MGRN1: variants seen among roughly 807,000 people sequenced by gnomAD.
MGRN1 encodes the protein mahogunin ring finger 1.
A neutral mutation model predicts 69.2 loss-of-function variants in MGRN1; 29 were observed. The ratio of observed to expected loss-of-function variants is 0.42; its 90% CI spans 0.31 to 0.57. The LOEUF (loss-of-function observed/expected upper bound fraction) is 0.57. MGRN1 is among the 20% of genes least tolerant of loss of function. MGRN1 has a pLI of 0.15. For missense variants in MGRN1, 998 were observed against 796.2 expected, an observed-to-expected ratio of 1.25 and a Z score of -3.05; for synonymous variants, 470 against 344.2, an observed-to-expected ratio of 1.37 and a Z score of -4.04.
chr16:4,683,607 G>C (rs1596318926), intron 15 of MGRN1, among the ~76,000 whole-genome samples: 1 of 152,060 alleles, frequency 6.6e-6, no homozygotes, highest in Non-Finnish European at 1.5e-5. Flanking sequence ...GTGTAAAAAA[G>C]GGGAAAAAAA....
intron 1 of MGRN1, among the ~76,000 whole-genome samples, chr16:4,636,076 A>G (rs1273291648): frequency 6.6e-6 from 1 of 151,986 alleles, no homozygotes; most frequent in East Asian, 1.9e-4. Context: ...TGCTGGGATT[A>G]CAGGCATGAG....
chr16:4,640,134 C>G (rs1170092397), intron 1 of MGRN1: 2 of 152,298 alleles, frequency 1.3e-5, no homozygotes, highest in Admixed American at 1.3e-4. Flanking sequence ...TGGTGGCGTT[C>G]ATTGCACACT....
chr16:4,668,029 G>A (rs1287047823), intron 7 of MGRN1, among the ~76,000 whole-genome samples: 1 of 152,116 alleles, frequency 6.6e-6, no homozygotes, highest in Non-Finnish European at 1.5e-5. Context: ...AGGGTCCCCG[G>A]GCTGTGTGTT....
In MGRN1 at chr16:4,668,390, T is replaced by C; in HGVS notation, c.726+78T>C. ...AATCACTCACACGCATACTCATACA[T>C]AGACACACACTCATACACACGCACA... On this transcript the variant is annotated intron_variant, in intron 8 of 16. Coordinates refer to ENST00000262370, the MANE Select transcript of MGRN1 (RefSeq NM_015246.4). The C allele has an allele frequency of 2.8e-6, 4 of 1,446,270 alleles. 1 individual carries two copies. Among genetic ancestry groups the C allele is most frequent in the Non-Finnish European group, 3.9e-6 (4 of 1,034,378 alleles). The allele number at this position is 1,446,270 out of a possible 1,614,324, so 89.6% of individuals were successfully genotyped here. A position where few individuals can be genotyped will look rare whatever the true frequency, so the allele number is the denominator to read the frequency against.
chr16:4,651,398 G>A (rs1322750492), intron 2 of MGRN1, among the ~76,000 whole-genome samples: 1 of 152,168 alleles, frequency 6.6e-6, no homozygotes, highest in African/African-American at 2.4e-5. Flanking sequence ...AGAGAGAAGG[G>A]GCAGAAAGGG....
At chr16:4,670,562 G>T (rs2078916326) in intron 8 of MGRN1, among the ~76,000 whole-genome samples, 1 of 152,216 alleles carries the variant, frequency 6.6e-6, no homozygotes, top group Non-Finnish European at 1.5e-5. Flanking sequence ...TAGCTTTTTA[G>T]AAGAGAGTTT....
chr16:4,680,848 C>T (rs756419023), intron 12 of MGRN1, among the ~76,000 whole-genome samples: 3 of 152,248 alleles, frequency 2.0e-5, no homozygotes, highest in Non-Finnish European at 4.4e-5. Flanking sequence ...ACCCATCTCA[C>T]TTTCCCCTTC....
At chr16:4,646,960 G>T (rs2078287651) in intron 1 of MGRN1, among the ~76,000 whole-genome samples, 1 of 152,222 alleles carries the variant, frequency 6.6e-6, no homozygotes, top group Non-Finnish European at 1.5e-5. Flanking sequence ...TGTCCCTCCA[G>T]ACCAAGGCTG....
At chr16:4,656,796 C>G (rs1365682213) in intron 4 of MGRN1, among the ~76,000 whole-genome samples, 1 of 152,084 alleles carries the variant, frequency 6.6e-6, no homozygotes, top group African/African-American at 2.4e-5. Context: ...AGGAGGATCA[C>G]TTGAACTCAG....
Position 4,657,197 on chromosome 16 carries a change from G to A in MGRN1, c.444-49G>A, listed in dbSNP as rs1388923813. On this transcript the variant is annotated intron_variant, in intron 4 of 16. Transcript: ENST00000262370. ...TCGGAGTGGGAGGGACGGGCACGGA[G>A]GGCCCTCTTCCTGCCGCAGCCTCAC... The A allele has an allele frequency of 2.7e-5, 42 of 1,556,644 alleles. No homozygotes were observed. The Admixed American group carries it at 7.0e-4, about 26-fold the overall frequency.
At chr16:4,683,955 G>A (rs2079248720) in intron 16 of MGRN1, 23 bp downstream of exon 16, 2 of 1,508,874 alleles carry the variant, frequency 1.3e-6, no homozygotes, top group East Asian at 2.4e-5. Context: ...GGGTCTGGGG[G>A]TGAGGGGCTG....
At chr16:4,663,372 T>TTC (rs2078727395) in intron 5 of MGRN1, among the ~76,000 whole-genome samples, 1 of 128,960 alleles carries the variant, frequency 7.8e-6, no homozygotes, top group African/African-American at 2.6e-5. Context: ...CTTGTTTTTT[T>TTC]TTTTTTTTTT....
intron 2 of MGRN1, chr16:4,650,861 CT>C (rs1275686330): frequency 1.3e-5 from 2 of 158,202 alleles, no homozygotes; most frequent in Non-Finnish European, 2.8e-5. Context: ...AATCCCAGCA[CT>C]TGGGGAGGCT....
rs140013236 is a variant in MGRN1 at position 4,684,428 on chromosome 16, G to C, written c.1618+496G>C. ...GGAGCAGGTACCACACGCTGTGCTG[G>C]GTAGCGGGGGCCCTGGGCCACAGAG... On this transcript the variant is annotated intron_variant, in intron 16 of 16. Coordinates refer to ENST00000262370, the MANE Select transcript of MGRN1 (RefSeq NM_015246.4). Among the ~76,000 whole-genome samples the C allele has an allele frequency of 4.6e-3, 707 of 152,334 alleles. 6 individuals carry two copies. Among genetic ancestry groups the C allele is most frequent in the African/African-American group, 0.016 (677 of 41,588 alleles).
At chr16:4,634,049 T>C (rs776107682) in intron 1 of MGRN1, among the ~76,000 whole-genome samples, 6 of 152,198 alleles carry the variant, frequency 3.9e-5, no homozygotes, top group Non-Finnish European at 5.9e-5. Context: ...GCAGCTGCCA[T>C]TGGGGGCAAC....
intron 1 of MGRN1, chr16:4,640,490 C>T (rs1411604443): frequency 2.6e-5 from 4 of 152,258 alleles, no homozygotes; most frequent in African/African-American, 4.8e-5. Flanking sequence ...CCGAATCCCT[C>T]GGGCAGGGAG....
chr16:4,686,747 G>A, intron 16 of MGRN1: 6 of 1,001,848 alleles, frequency 6.0e-6, no homozygotes, highest in Non-Finnish European at 7.1e-6. Flanking sequence ...GCCTGGCCTT[G>A]TTCCGGATGG....
intron 5 of MGRN1, among the ~76,000 whole-genome samples, chr16:4,662,845 G>A (rs550644216): frequency 6.6e-6 from 1 of 152,182 alleles, no homozygotes; most frequent in Non-Finnish European, 1.5e-5. Context: ...GCGGGTGCTT[G>A]GCTGCGGGCT....
chr16:4,657,455 G>A (rs761726261), intron 5 of MGRN1, 92 bp downstream of exon 5: 7 of 1,259,596 alleles, frequency 5.6e-6, no homozygotes, highest in Admixed American at 5.2e-5. Flanking sequence ...TGTGTGTTTG[G>A]CTTCCTCCAG....
Sources: allele counts gnomAD v4.1 joint callset (sites outside exome capture counted in the v4.1 genomes callset), GRCh38; gene constraint gnomAD v4.1.1; transcripts MANE v1.5; gene names NCBI Gene and HGNC (gene_info 2026-07-23, HGNC 2026-07-21).